Variants in CA5A observed in about 807,000 individuals in gnomAD.
CA5A encodes the protein carbonic anhydrase 5A, mitochondrial.
Under a neutral mutation model 37.1 loss-of-function variants are expected in CA5A, and 28 were observed. The observed-to-expected ratio is 0.75, with a 90% CI of 0.56 to 1.03. The LOEUF is 1.03. Among genes scored for constraint, CA5A ranks in the 50% least tolerant of loss-of-function variants. CA5A has a pLI of 0.00. For synonymous variants in CA5A, 171 were observed against 158.4 expected (o/e 1.08, Z -0.60); for missense variants, 444 against 399.9 (o/e 1.11, Z -0.94).
chr16:87,921,559 T>G (rs1207365648), intron 2 of CA5A, among the ~76,000 whole-genome samples: 2 of 152,212 alleles, frequency 1.3e-5, no homozygotes, highest in East Asian at 1.9e-4. Context: ...TACCAATTGC[T>G]GCAGCCAGTG....
In CA5A at chr16:87,902,773, G is replaced by A. The variant is rs182016520; in HGVS notation, c.460-253C>T. ...TACAAAAAAAAAAAATTAGCTGGGC[G>A]TGGTGGCGGGAGCCTGTAGTCCCAG... is the stretch of plus-strand genomic sequence containing the variant. On this transcript the variant is annotated intron_variant, in intron 3 of 6. Transcript: ENST00000649794. 5.9e-3 allele frequency among the ~76,000 whole-genome samples: 903 copies of A among 152,010 alleles called. 11 individuals carry two copies. The highest frequency in any genetic ancestry group is 0.02 in the African/African-American group (846 of 41,460).
intron 5 of CA5A, among the ~76,000 whole-genome samples, chr16:87,897,211 C>T (rs71392321): frequency 6.6e-6 from 1 of 152,174 alleles, no homozygotes; most frequent in African/African-American, 2.4e-5. Flanking sequence ...GCTGTTTCCA[C>T]CTCCACAAGG....
chr16:87,914,863 GGCACAGAGAAGT>G, intron 2 of CA5A, among the ~76,000 whole-genome samples: 1 of 152,328 alleles, frequency 6.6e-6, no homozygotes, highest in African/African-American at 2.4e-5. Context: ...GGAGGGGATG[GGCACAGAGAAGT>G]GCAGCCATGA....
chr16:87,927,023 G>T, intron 1 of CA5A, 78 bp from the exon 2 acceptor site: 1 of 1,019,474 alleles, frequency 9.8e-7, no homozygotes, highest in Non-Finnish European at 1.5e-6. Context: ...CAGAAACCCG[G>T]CCGCACGAGA....
At chr16:87,902,647 C>A in intron 3 of CA5A, 127 bp from the exon 4 acceptor site, 1 of 637,100 alleles carries the variant, frequency 1.6e-6, no homozygotes, top group Non-Finnish European at 2.9e-6. Flanking sequence ...TGGCTCACAC[C>A]TGTAATCCCA....
At chr16:87,914,178 G>A (rs994516836) in intron 2 of CA5A, among the ~76,000 whole-genome samples, 1 of 152,220 alleles carries the variant, frequency 6.6e-6, no homozygotes, top group Non-Finnish European at 1.5e-5. Context: ...CTTCTCGTAT[G>A]GAGCAGAAAT....
intron 1 of CA5A, among the ~76,000 whole-genome samples, chr16:87,935,285 C>T (rs1208096022): frequency 2.0e-5 from 3 of 152,194 alleles, no homozygotes; most frequent in South Asian, 4.1e-4. Context: ...GGAAGGGCCT[C>T]GTTCAAGGTC....
chr16:87,915,526 ATTTTTTTTTT>A (rs59358304), intron 2 of CA5A, among the ~76,000 whole-genome samples: 4 of 72,980 alleles, frequency 5.5e-5, no homozygotes, highest in African/African-American at 1.6e-4. Context: ...CTGTGTCAAA[ATTTTTTTTTT>A]TTTTTTTTTT....
At chr16:87,917,740 C>CATGTAT (rs1203676877) in intron 2 of CA5A, among the ~76,000 whole-genome samples, 27 of 100,310 alleles carry the variant, frequency 2.7e-4, no homozygotes, top group South Asian at 1.2e-3. Context: ...CACATGAACA[C>CATGTAT]ACATGCACAC....
At chr16:87,935,433 G>T (rs1408032604) in intron 1 of CA5A, among the ~76,000 whole-genome samples, 5 of 152,224 alleles carry the variant, frequency 3.3e-5, no homozygotes, top group African/African-American at 1.2e-4. Flanking sequence ...TGACTGGTTA[G>T]TGCAGCCCAT....
chr16:87,910,604 G>GTC lies in CA5A; in HGVS notation c.341-5702_341-5701dup, dbSNP rs2056036224. Among the ~76,000 whole-genome samples, 7 of 152,060 alleles carry GTC rather than the reference G, an allele frequency of 4.6e-5. No homozygotes were observed. In the South Asian group the frequency reaches 1.5e-3, roughly 32 times the overall value. On this transcript the variant is annotated intron_variant, in intron 2 of 6. Transcript: ENST00000649794. The stretch of plus-strand genomic sequence containing the variant: ...AGTGACTTCTTTTTTTTTAGGTGGA[G>GTC]TCTCACTCTGTTACCCAGGCTGGAG...
At chr16:87,914,889 A>G (rs4843737) in intron 2 of CA5A, among the ~76,000 whole-genome samples, 104,822 of 152,122 alleles carry the variant, frequency 0.69, 36,327 homozygotes, top group Admixed American at 0.73. Context: ...GCCATGAGCC[A>G]GGAACAGAGC....
Position 87,888,173 on chromosome 16 carries a change from C to T in CA5A, c.874G>A (p.Val292Ile). The change falls in exon 7 of 7, where the codon GTC (valine) becomes ATC (isoleucine). Residue 292 changes from valine to isoleucine, a missense_variant. Transcript: ENST00000649794. ...RPLQPLMNRKVWASFQATNEG... is the reference protein window; with the variant it reads ...RPLQPLMNRKIWASFQATNEG... ...TTAGTGGCCTGGAAGGACGCCCAGA[C>T]CTTCCGGTTCATCAAGGGTTGAAGT... 1 of 1,613,952 alleles carries T rather than the reference C, an allele frequency of 6.2e-7. No individual in the cohort carries two copies. Among genetic ancestry groups the T allele is most frequent in the Non-Finnish European group, 8.5e-7 (1 of 1,179,850 alleles).
intron 1 of CA5A, 126 bp from the exon 2 acceptor site, chr16:87,927,071 G>A: frequency 2.9e-6 from 2 of 697,928 alleles, no homozygotes. Context: ...TGACCCACGG[G>A]AAACGGGCGC....
At chr16:87,896,881 C>T (rs1290148681) in intron 5 of CA5A, among the ~76,000 whole-genome samples, 1 of 152,246 alleles carries the variant, frequency 6.6e-6, no homozygotes, top group African/African-American at 2.4e-5. Context: ...CTCAGGTGAT[C>T]CGCCCGCCTC....
intron 5 of CA5A, among the ~76,000 whole-genome samples, chr16:87,893,920 G>C (rs944627514): frequency 3.9e-5 from 6 of 151,974 alleles, no homozygotes; most frequent in Admixed American, 6.6e-5. Flanking sequence ...CACCACACCA[G>C]GGTTTAAAAT....
At chr16:87,887,710 G>A (rs976639241), downstream of CA5A, 25 of 165,342 alleles carry the variant, frequency 1.5e-4, no homozygotes, top group African/African-American at 4.3e-4. Context: ...AATGCACCCC[G>A]CCAGTTCTTA....
intron 2 of CA5A, among the ~76,000 whole-genome samples, chr16:87,912,539 C>T (rs1384842219): frequency 6.6e-6 from 1 of 152,244 alleles, no homozygotes; most frequent in Non-Finnish European, 1.5e-5. Context: ...AAAACACCCA[C>T]TGACTTTCTC....
In CA5A at chr16:87,917,734, T is replaced by C. The variant is rs182147902; in HGVS notation, c.340+9014A>G. ...ACACATGAACACGTGCACACACACA[T>C]GAACACACATGCACACATGTATACA... On this transcript the variant is annotated intron_variant, in intron 2 of 6. Transcript: ENST00000649794. 4.1e-4 allele frequency among the ~76,000 whole-genome samples: 51 copies of C among 124,274 alleles called. 3 individuals are homozygous for C. The East Asian group carries it at 0.011, about 26-fold the overall frequency. 81.5% of individuals were successfully genotyped at this position (124,274 alleles called of 152,430 possible).
Sources: allele counts gnomAD v4.1 joint callset (sites outside exome capture counted in the v4.1 genomes callset), GRCh38; gene constraint gnomAD v4.1.1; transcripts MANE v1.5; gene names NCBI Gene and HGNC (gene_info 2026-07-23, HGNC 2026-07-21).